SLC35H1: variants seen among roughly 807,000 people sequenced by gnomAD.
The protein encoded by SLC35H1 is ovarian cancer-overexpressed gene 1 protein.
At chr20:46,356,688 T>C in the SLC35H1 span, 2 of 1,560,936 alleles carry the variant, frequency 1.3e-6, no homozygotes, top group Middle Eastern at 1.7e-4. Context: ...CACACTCTGC[T>C]GGGGTGGGCT....
At chr20:46,352,141 G>T in the SLC35H1 span, 8 of 1,614,208 alleles carry the variant, frequency 5.0e-6, no homozygotes, top group Non-Finnish European at 6.8e-6. Context: ...CGAGAATCCC[G>T]CCAAGGAAGA....
At chr20:46,361,017 G>A in the SLC35H1 span, among the ~76,000 whole-genome samples, 4 of 152,268 alleles carry the variant, frequency 2.6e-5, no homozygotes, top group South Asian at 8.3e-4. Context: ...TCCTTCAAAT[G>A]CCTTCTGTAA....
At chr20:46,357,372 A>G in the SLC35H1 span, among the ~76,000 whole-genome samples, 2 of 152,294 alleles carry the variant, frequency 1.3e-5, no homozygotes, top group East Asian at 3.9e-4. Context: ...GTCTGCTGGC[A>G]GGAGAGGGAG....
chr20:46,356,767 C>G, the SLC35H1 span: 3 of 778,824 alleles, frequency 3.9e-6, no homozygotes, highest in Non-Finnish European at 6.3e-6. Context: ...GGCCCTTGGG[C>G]CTTCTTTTCC....
chr20:46,352,101 G>A, the SLC35H1 span: 1 of 1,614,204 alleles, frequency 6.2e-7, no homozygotes, highest in Non-Finnish European at 8.5e-7. Context: ...CTGGAGACCA[G>A]GAGGAACTCA....
At chr20:46,355,124 C>T in the SLC35H1 span, 5 of 1,614,116 alleles carry the variant, frequency 3.1e-6, no homozygotes, top group Middle Eastern at 1.6e-4. This position sits in a 1 kb window ranked among gnomAD's most constrained non-coding sequence, Gnocchi z 4.8. Flanking sequence ...CGAATGCCAC[C>T]GATGAACGAG....
the SLC35H1 span, chr20:46,352,664 C>A: frequency 1.1e-4 from 1 of 9,450 alleles, no homozygotes; most frequent in African/African-American, 8.2e-4. Context: ...AGCGGGATGA[C>A]GATGGGATCC....
the SLC35H1 span, chr20:46,350,249 T>C: frequency 3.7e-5 from 36 of 967,184 alleles, no homozygotes; most frequent in African/African-American, 6.6e-5. Context: ...GGGGCAAAAG[T>C]CATGAGTCCC....
chr20:46,356,749 T>C, the SLC35H1 span: 1 of 982,566 alleles, frequency 1.0e-6, no homozygotes, highest in Non-Finnish European at 1.6e-6. Flanking sequence ...TCCCGGTGCC[T>C]CCTGTGGGGC....
chr20:46,357,359 G>A, the SLC35H1 span, among the ~76,000 whole-genome samples: 10 of 152,362 alleles, frequency 6.6e-5, no homozygotes, highest in South Asian at 6.2e-4. Context: ...CTCCAGGCTC[G>A]GTGTCTGCTG....
At chr20:46,349,600 G>A in the SLC35H1 span, 12 of 152,600 alleles carry the variant, frequency 7.9e-5, no homozygotes, top group Admixed American at 2.0e-4. Context: ...CTCTGAGATA[G>A]ACATTATCCC....
the SLC35H1 span, chr20:46,356,704 CCT>C: frequency 6.9e-7 from 1 of 1,456,578 alleles, no homozygotes; most frequent in Admixed American, 1.9e-5. Flanking sequence ...GGGCTGGTAC[CCT>C]GAGGCACCTG....
the SLC35H1 span, chr20:46,358,441 A>C: frequency 6.2e-7 from 1 of 1,614,144 alleles, no homozygotes; most frequent in East Asian, 2.2e-5. Flanking sequence ...AGTAGTAGAG[A>C]AGCACCAGCC....
At chr20:46,355,788 C>G in the SLC35H1 span, 1 of 1,613,980 alleles carries the variant, frequency 6.2e-7, no homozygotes, top group Admixed American at 1.7e-5. This position sits in a 1 kb window ranked among gnomAD's most constrained non-coding sequence, Gnocchi z 4.8. Context: ...ACACAAGAGA[C>G]GCTGGGGCCT....
chr20:46,355,941 G>A, the SLC35H1 span: 1 of 1,601,202 alleles, frequency 6.2e-7, no homozygotes, highest in Admixed American at 1.8e-5. This position sits in a 1 kb window ranked among gnomAD's most constrained non-coding sequence, Gnocchi z 4.8. Context: ...CGAGAAAGGA[G>A]CAGGAGCACA....
the SLC35H1 span, chr20:46,350,834 C>A: frequency 6.2e-7 from 1 of 1,614,094 alleles, no homozygotes; most frequent in Non-Finnish European, 8.5e-7. Flanking sequence ...CCAGCCAGTT[C>A]AGGAGGCTGA....
At chr20:46,347,310 A>T in the SLC35H1 span, 2 of 152,268 alleles carry the variant, frequency 1.3e-5, no homozygotes, top group Admixed American at 1.3e-4. Flanking sequence ...AAAGAAATAC[A>T]ATCAGTCCTT....
At chr20:46,355,719 C>G in the SLC35H1 span, 1 of 1,594,784 alleles carries the variant, frequency 6.3e-7, no homozygotes, top group East Asian at 2.2e-5. This position sits in a 1 kb window ranked among gnomAD's most constrained non-coding sequence, Gnocchi z 4.8. Flanking sequence ...TGTCACACAG[C>G]AGGACAAGCC....
At chr20:46,354,422 C>T in the SLC35H1 span, among the ~76,000 whole-genome samples, 3 of 152,114 alleles carry the variant, frequency 2.0e-5, no homozygotes, top group Admixed American at 2.0e-4. Context: ...CCTGATTCCC[C>T]ATTCCTTAGA....
Sources: gnomAD v4.1 joint callset for allele counts (sites outside exome capture counted in the v4.1 genomes callset) on GRCh38, gnomAD v4.1.1 for gene constraint, Gnocchi (gnomAD v3.1) non-coding constraint, MANE v1.5 for transcripts, NCBI Gene and HGNC (gene_info 2026-07-23, HGNC 2026-07-21) for gene names.